The following SLC24A2 variants were observed in gnomAD, a reference collection of about 807,000 sequenced individuals.
SLC24A2 encodes the protein sodium/potassium/calcium exchanger 2.
SLC24A2 carries 36 observed loss-of-function variants against 62.0 expected under a neutral mutation model. The observed-to-expected ratio is 0.58, with a 90% confidence interval of 0.44 to 0.77. SLC24A2 has a LOEUF of 0.77. SLC24A2 is among the 30% of genes least tolerant of loss of function. The pLI is 0.00. For synonymous variants in SLC24A2, 358 were observed against 294.0 expected (o/e 1.22, Z -2.23); for missense variants, 846 against 817.9 (o/e 1.03, Z -0.42).
intron 6 of SLC24A2, 120 bp from the exon 7 acceptor site, chr9:19,573,589 T>C (rs1001899621): frequency 2.7e-4 from 228 of 835,330 alleles, no homozygotes; most frequent in Non-Finnish European, 4.2e-4. Context: ...AAGAGCAATA[T>C]TGAAAAGAGT....
At chr9:19,584,298 CAA>C (rs1836300095) in intron 5 of SLC24A2, among the ~76,000 whole-genome samples, 3 of 130,296 alleles carry the variant, frequency 2.3e-5, no homozygotes, top group African/African-American at 8.7e-5. Context: ...AAAAAACAAA[CAA>C]AAAACAAAAC....
chr9:20,157,099 C>A, the SLC24A2 span, among the ~76,000 whole-genome samples: 1 of 151,612 alleles, frequency 6.6e-6, no homozygotes, highest in Non-Finnish European at 1.5e-5. Flanking sequence ...ATTTGTTGCA[C>A]ATCTAGTAAG....
the SLC24A2 span, among the ~76,000 whole-genome samples, chr9:19,805,834 TTAA>T: frequency 1.4e-5 from 2 of 141,432 alleles, no homozygotes; most frequent in Non-Finnish European, 1.6e-5. Flanking sequence ...GGTCTGAGTT[TTAA>T]AAAAAAAAAA....
chr9:20,195,404 T>C, the SLC24A2 span, among the ~76,000 whole-genome samples: 2 of 152,178 alleles, frequency 1.3e-5, no homozygotes, highest in Non-Finnish European at 2.9e-5. Flanking sequence ...TTTATTGATG[T>C]TTTAATTTAT....
the SLC24A2 span, among the ~76,000 whole-genome samples, chr9:19,873,951 A>G: frequency 6.6e-6 from 1 of 152,216 alleles, no homozygotes; most frequent in Non-Finnish European, 1.5e-5. Context: ...TCTCTAGATC[A>G]GCAATTCTTA....
the SLC24A2 span, among the ~76,000 whole-genome samples, chr9:20,126,190 T>G: frequency 6.6e-6 from 1 of 152,218 alleles, no homozygotes; most frequent in East Asian, 1.9e-4. Flanking sequence ...CCTGCATTTT[T>G]AATTTTTGCC....
the SLC24A2 span, among the ~76,000 whole-genome samples, chr9:19,875,219 T>A: frequency 6.6e-6 from 1 of 152,212 alleles, no homozygotes; most frequent in South Asian, 2.1e-4. Flanking sequence ...TTCCTCCTGA[T>A]GCTTCAATCA....
chr9:19,938,670 T>C, the SLC24A2 span, among the ~76,000 whole-genome samples: 2 of 152,192 alleles, frequency 1.3e-5, no homozygotes, highest in African/African-American at 4.8e-5. Context: ...ACTTCCTCTG[T>C]TGTTAACCCT....
At chr9:19,850,679 T>C in the SLC24A2 span, among the ~76,000 whole-genome samples, 1 of 151,974 alleles carries the variant, frequency 6.6e-6, no homozygotes, top group Non-Finnish European at 1.5e-5. Flanking sequence ...TAAATTTGCA[T>C]GATCTGGATA....
the SLC24A2 span, among the ~76,000 whole-genome samples, chr9:19,845,898 T>G: frequency 6.6e-6 from 1 of 152,218 alleles, no homozygotes; most frequent in Non-Finnish European, 1.5e-5. Flanking sequence ...TGTGTGTTTT[T>G]AAGAGATCTT....
the SLC24A2 span, among the ~76,000 whole-genome samples, chr9:20,161,153 T>C: frequency 4.0e-4 from 61 of 151,490 alleles, no homozygotes; most frequent in South Asian, 1.2e-3. Context: ...ATGCATAAAT[T>C]CTTATGAAAA....
chr9:19,775,006 C>T (rs898102579), intron 2 of SLC24A2, among the ~76,000 whole-genome samples: 9 of 152,176 alleles, frequency 5.9e-5, no homozygotes, highest in African/African-American at 2.2e-4. Flanking sequence ...AGAGAAGACG[C>T]TTGGGGCAAA....
chr9:20,303,388 T>C, the SLC24A2 span, among the ~76,000 whole-genome samples: 1 of 152,214 alleles, frequency 6.6e-6, no homozygotes, highest in East Asian at 1.9e-4. Context: ...CAAGATCTTG[T>C]AAGAGTTTAT....
the SLC24A2 span, among the ~76,000 whole-genome samples, chr9:19,951,122 A>G: frequency 6.6e-6 from 1 of 152,140 alleles, no homozygotes; most frequent in Non-Finnish European, 1.5e-5. Flanking sequence ...TCACTTCATC[A>G]TTAAGAGGTT....
intron 2 of SLC24A2, among the ~76,000 whole-genome samples, chr9:19,663,324 A>AG (rs1819155908): frequency 6.6e-6 from 1 of 152,148 alleles, no homozygotes; most frequent in South Asian, 2.1e-4. Context: ...CAGTTCCCAC[A>AG]AAGTTCTAGA....
At chr9:19,999,892 G>A in the SLC24A2 span, among the ~76,000 whole-genome samples, 1 of 152,178 alleles carries the variant, frequency 6.6e-6, no homozygotes, top group African/African-American at 2.4e-5. Flanking sequence ...GTCACTGGTG[G>A]CAATTTTGCC....
At chr9:20,032,436 A>T in the SLC24A2 span, among the ~76,000 whole-genome samples, 3 of 152,130 alleles carry the variant, frequency 2.0e-5, no homozygotes, top group Admixed American at 2.0e-4. Context: ...TAGTTTGTAA[A>T]GTGCAATAAT....
chr9:19,832,915 C>T, the SLC24A2 span, among the ~76,000 whole-genome samples: 22 of 152,202 alleles, frequency 1.4e-4, no homozygotes, highest in African/African-American at 4.6e-4. Flanking sequence ...ACAACCCCCT[C>T]AAAAAGTGAG....
At chr9:19,713,452 A>T (rs1415320714) in intron 2 of SLC24A2, among the ~76,000 whole-genome samples, 1 of 152,184 alleles carries the variant, frequency 6.6e-6, no homozygotes, top group Non-Finnish European at 1.5e-5. Context: ...TGCGAAAATA[A>T]ATTATAATTT....
Sources: gnomAD v4.1 joint callset for allele counts (sites outside exome capture counted in the v4.1 genomes callset) on GRCh38, gnomAD v4.1.1 for gene constraint, MANE v1.5 for transcripts, NCBI Gene and HGNC (gene_info 2026-07-23, HGNC 2026-07-21) for gene names.